Variants in MTUS2 observed in about 807,000 individuals in gnomAD.
MTUS2 encodes the protein microtubule associated scaffold protein 2.
Under a neutral mutation model 114.1 loss-of-function variants are expected in MTUS2, and 40 were observed. That is an observed-to-expected ratio of 0.35 (90% CI 0.27 to 0.46). The LOEUF (loss-of-function observed/expected upper bound fraction) is 0.46. Ranked by LOEUF, MTUS2 falls within the 20% of genes least tolerant of loss-of-function variation. The probability of loss-of-function intolerance (pLI) is 1.00; values close to 1 mark genes in which losing one functional copy is unlikely to be tolerated. For missense variants in MTUS2, 1,679 were observed against 1,705.4 expected (o/e 0.98, Z 0.27); for synonymous variants, 688 against 672.0 (o/e 1.02, Z -0.37).
intron 4 of MTUS2, among the ~76,000 whole-genome samples, chr13:29,038,003 C>G (rs1217539978): frequency 6.6e-6 from 1 of 152,168 alleles, no homozygotes; most frequent in African/African-American, 2.4e-5. Context: ...CGTTTTGAAG[C>G]CTACTTCTGT....
At chr13:29,424,294 G>A (rs780893656) in intron 8 of MTUS2, among the ~76,000 whole-genome samples, 27 of 152,116 alleles carry the variant, frequency 1.8e-4, no homozygotes, top group Admixed American at 4.6e-4. Flanking sequence ...ACTACATATT[G>A]TATGCATGTA....
At chr13:28,926,693 A>T (rs994885624) in intron 2 of MTUS2, among the ~76,000 whole-genome samples, 2 of 152,132 alleles carry the variant, frequency 1.3e-5, no homozygotes, top group African/African-American at 4.8e-5. Context: ...GTGCATTCTG[A>T]TTTCATCTCT....
At chr13:29,473,170 C>T (rs1409755622) in intron 9 of MTUS2, among the ~76,000 whole-genome samples, 1 of 151,826 alleles carries the variant, frequency 6.6e-6, no homozygotes, top group Non-Finnish European at 1.5e-5. Flanking sequence ...ATTATATATA[C>T]ACACAAAGTA....
At chr13:29,074,450 CTG>C (rs1593448428) in intron 4 of MTUS2, among the ~76,000 whole-genome samples, 1 of 152,172 alleles carries the variant, frequency 6.6e-6, no homozygotes, top group Non-Finnish European at 1.5e-5. Context: ...ATAGCAGGAA[CTG>C]TGCGTCATTT....
Position 29,480,916 on chromosome 13 carries a change from C to G in MTUS2, c.3399+552C>G, listed in dbSNP as rs1881117913. Among the ~76,000 whole-genome samples, 1 of 152,168 alleles carries G rather than the reference C, an allele frequency of 6.6e-6. No homozygotes were observed. The highest frequency in any genetic ancestry group is 6.5e-5 in the Admixed American group (1 of 15,278). On this transcript the variant is annotated intron_variant, in intron 10 of 15. Transcript: ENST00000612955. This position sits in a 1 kb window ranked among gnomAD's most constrained non-coding sequence, Gnocchi z 4.4. ...CTGACTCATGTAGTCCTCACAGTTC[C>G]CCTAACGAGGAAGGTACCATTCTTA...
chr13:28,998,054 C>T (rs1885201123), intron 2 of MTUS2, among the ~76,000 whole-genome samples: 1 of 152,142 alleles, frequency 6.6e-6, no homozygotes, highest in Admixed American at 6.5e-5. Context: ...ATGTTTATTG[C>T]TTCCTTCAGG....
At chr13:28,983,463 G>A (rs1428229306) in intron 2 of MTUS2, among the ~76,000 whole-genome samples, 1 of 152,168 alleles carries the variant, frequency 6.6e-6, no homozygotes, top group Non-Finnish European at 1.5e-5. Context: ...AAAAATATAT[G>A]ATGTAAAATA....
At chr13:29,481,469 T>G (rs148336240) in intron 10 of MTUS2, among the ~76,000 whole-genome samples, 180 of 152,260 alleles carry the variant, frequency 1.2e-3, no homozygotes, top group African/African-American at 4.3e-3. Flanking sequence ...GGTGTGTTGC[T>G]TTATATAGTG....
At chr13:29,128,151 G>A (rs972491770) in intron 5 of MTUS2, among the ~76,000 whole-genome samples, 2 of 152,228 alleles carry the variant, frequency 1.3e-5, no homozygotes, top group African/African-American at 4.8e-5. Flanking sequence ...AGACAGAATA[G>A]CCATGTGAAT....
At chr13:28,996,291 T>C (rs1885100047) in intron 2 of MTUS2, among the ~76,000 whole-genome samples, 2 of 152,220 alleles carry the variant, frequency 1.3e-5, no homozygotes, top group Admixed American at 1.3e-4. Context: ...GTAGCTGGAT[T>C]CCGTTTGCCA....
At chr13:29,170,082 T>C (rs113013535) in intron 5 of MTUS2, among the ~76,000 whole-genome samples, 1 of 4,688 alleles carries the variant, frequency 2.1e-4, no homozygotes, top group Non-Finnish European at 8.3e-4. Flanking sequence ...CTGAGAAGAA[T>C]TGCCTGCAGA....
intron 4 of MTUS2, among the ~76,000 whole-genome samples, chr13:29,097,688 A>AT (rs1487848900): frequency 1.3e-5 from 2 of 152,156 alleles, no homozygotes; most frequent in Non-Finnish European, 2.9e-5. Flanking sequence ...CCATCTTCTC[A>AT]TTATATCTTC....
intron 2 of MTUS2, among the ~76,000 whole-genome samples, chr13:28,891,858 CAAAAA>C (rs1169875500): frequency 7.7e-5 from 4 of 52,184 alleles, no homozygotes; most frequent in Non-Finnish European, 1.5e-4. Context: ...GACTCTGTCT[CAAAAA>C]AAAAAAAAAA....
At chr13:29,424,300 A>G (rs967894072) in intron 8 of MTUS2, among the ~76,000 whole-genome samples, 6 of 152,226 alleles carry the variant, frequency 3.9e-5, no homozygotes, top group Admixed American at 2.6e-4. Flanking sequence ...TATTGTATGC[A>G]TGTATCAAAA....
rs1230868347 is a variant in MTUS2, at chr13:29,505,602, T to C, written c.*2396T>C. ...CCCCCACACCATCAGAATTCGGATT[T>C]CTCTCCACGTGGCGTCTGCCTCTGT... On this transcript the variant is annotated 3_prime_UTR_variant, in exon 16 of 16. Coordinates refer to ENST00000612955, the MANE Select transcript of MTUS2 (RefSeq NM_001033602.4). The C allele has an allele frequency of 3.0e-5, 7 of 231,776 alleles. No homozygotes were observed. The highest frequency in any genetic ancestry group is 4.3e-5 in the Non-Finnish European group (5 of 117,226). The allele number at this position is 231,776 out of a possible 1,614,324, so 14.4% of individuals were successfully genotyped here.
chr13:29,392,158 A>C (rs1196051667), intron 8 of MTUS2, among the ~76,000 whole-genome samples: 2 of 135,834 alleles, frequency 1.5e-5, no homozygotes, highest in African/African-American at 2.6e-5. Context: ...AAAAAAAAAA[A>C]ACCAAAAAAA....
At chr13:29,120,824 TC>T (rs1330566858) in intron 5 of MTUS2, among the ~76,000 whole-genome samples, 1 of 152,110 alleles carries the variant, frequency 6.6e-6, no homozygotes, top group Non-Finnish European at 1.5e-5. Context: ...GCTGAAACAA[TC>T]TCTACAACAT....
rs556309603 is a variant in MTUS2 at position 29,058,578 on chromosome 13, T to A, written c.2446+24453T>A. Among the ~76,000 whole-genome samples the A allele has an allele frequency of 6.2e-4, 81 of 131,598 alleles. 1 individual carries two copies. The highest frequency in any genetic ancestry group is 4.2e-3 in the East Asian group (20 of 4,776). 86.3% of individuals were successfully genotyped at this position (131,598 alleles called of 152,430 possible). On this transcript the variant is annotated intron_variant, in intron 4 of 15. Coordinates refer to ENST00000612955, the MANE Select transcript of MTUS2 (RefSeq NM_001033602.4). The stretch of plus-strand genomic sequence containing the variant: ...AGCCAGGTTGATGCTTTTTTTTTTT[T>A]TTTAATTATTATTTTTTTATTTTTT...
chr13:28,835,063 G>A (rs1874976466), intron 1 of MTUS2, among the ~76,000 whole-genome samples: 1 of 152,222 alleles, frequency 6.6e-6, no homozygotes, highest in South Asian at 2.1e-4. Context: ...GGTACTTGCT[G>A]GTGGGACTGT....
Sources: allele counts gnomAD v4.1 joint callset (sites outside exome capture counted in the v4.1 genomes callset), GRCh38; gene constraint gnomAD v4.1.1; non-coding constraint Gnocchi (gnomAD v3.1); transcripts MANE v1.5; gene names NCBI Gene and HGNC (gene_info 2026-07-23, HGNC 2026-07-21).